SGCZ: variants seen among roughly 807,000 people sequenced by gnomAD.
SGCZ encodes sarcoglycan zeta, also known as zeta-sarcoglycan.
Under a neutral mutation model 41.3 loss-of-function variants are expected in SGCZ, and 40 were observed. The ratio of observed to expected loss-of-function variants is 0.97; its 90% CI spans 0.75 to 1.26. The LOEUF (loss-of-function observed/expected upper bound fraction) is 1.26, where lower values mean the gene tolerates loss of function less well. Ranked by LOEUF, SGCZ falls within the 50% of genes most tolerant of loss-of-function variation. The probability of loss-of-function intolerance (pLI) is 0.00; values close to 1 mark genes in which losing one functional copy is unlikely to be tolerated. For synonymous variants in SGCZ, 206 were observed against 137.5 expected (o/e 1.50, Z -3.49); for missense variants, 552 against 369.8 (o/e 1.49, Z -4.04).
At chr8:14,692,086 T>C (rs1035314153) in intron 1 of SGCZ, among the ~76,000 whole-genome samples, 11 of 152,006 alleles carry the variant, frequency 7.2e-5, no homozygotes, top group African/African-American at 2.7e-4. Flanking sequence ...CTATTTTTAG[T>C]CAAGAATTTC....
intron 3 of SGCZ, among the ~76,000 whole-genome samples, chr8:14,258,511 G>A (rs1005016315): frequency 1.3e-5 from 2 of 152,010 alleles, no homozygotes; most frequent in Non-Finnish European, 2.9e-5. Context: ...TCTTCATTAG[G>A]TTAATAGACA....
At chr8:14,512,940 T>C (rs1036310124) in intron 2 of SGCZ, among the ~76,000 whole-genome samples, 4 of 152,086 alleles carry the variant, frequency 2.6e-5, no homozygotes, top group African/African-American at 9.7e-5. Context: ...AAGTGAGGAA[T>C]GAAGCCTGAT....
chr8:14,223,241 T>C (rs1353450440), intron 4 of SGCZ, among the ~76,000 whole-genome samples: 1 of 152,222 alleles, frequency 6.6e-6, no homozygotes, highest in African/African-American at 2.4e-5. Flanking sequence ...ACTGTACTAA[T>C]GATTGTGCTT....
intron 1 of SGCZ, among the ~76,000 whole-genome samples, chr8:15,237,224 G>A (rs1283611076): frequency 1.3e-5 from 2 of 151,050 alleles, no homozygotes; most frequent in Non-Finnish European, 3.0e-5. Context: ...TGGGAAAGCA[G>A]GCGACAGCGG....
At chr8:14,677,341 T>A (rs1808309330) in intron 1 of SGCZ, among the ~76,000 whole-genome samples, 1 of 152,280 alleles carries the variant, frequency 6.6e-6, no homozygotes, top group Admixed American at 6.5e-5. Flanking sequence ...TGTTCATGGA[T>A]AGGAACACTC....
At chr8:14,318,159 A>C (rs1028083181) in intron 3 of SGCZ, among the ~76,000 whole-genome samples, 1 of 151,554 alleles carries the variant, frequency 6.6e-6, no homozygotes, top group Non-Finnish European at 1.5e-5. Context: ...TTGGTTTTTC[A>C]AAAGAAAGAA....
At position 15,182,190 on chromosome 8, in the gene SGCZ, G is replaced by A. The variant is rs928078268; in HGVS notation, c.39+55395C>T. 7.9e-5 allele frequency among the ~76,000 whole-genome samples: 12 copies of A among 152,228 alleles called. No homozygotes were observed. The East Asian group carries it at 1.7e-3, about 22-fold the overall frequency. ...CTGATATTTCACAAATGTTTTTCCA[G>A]ATGCCAATAATATCCTTAATTCTTA... is the stretch of plus-strand genomic sequence containing the variant. On this transcript the variant is annotated intron_variant, in intron 1 of 7. Coordinates refer to ENST00000382080, the MANE Select transcript of SGCZ (RefSeq NM_139167.4).
At chr8:14,280,299 C>T (rs1033892049) in intron 3 of SGCZ, among the ~76,000 whole-genome samples, 1 of 151,672 alleles carries the variant, frequency 6.6e-6, no homozygotes, top group East Asian at 1.9e-4. Flanking sequence ...TGTTCAAATA[C>T]AGGTAGTAAT....
At chr8:14,313,480 C>T (rs988412513) in intron 3 of SGCZ, among the ~76,000 whole-genome samples, 1 of 152,078 alleles carries the variant, frequency 6.6e-6, no homozygotes, top group Non-Finnish European at 1.5e-5. Context: ...CCATGCCCAG[C>T]TAATTTTTGT....
intron 5 of SGCZ, among the ~76,000 whole-genome samples, chr8:14,149,231 A>G (rs1803620388): frequency 6.6e-6 from 1 of 152,116 alleles, no homozygotes; most frequent in Non-Finnish European, 1.5e-5. Flanking sequence ...TTGAAAACGA[A>G]CAAGTCAAAT....
At chr8:15,112,380 G>C (rs1807102997) in intron 1 of SGCZ, among the ~76,000 whole-genome samples, 1 of 152,162 alleles carries the variant, frequency 6.6e-6, no homozygotes, top group South Asian at 2.1e-4. Context: ...TTTATTCTTT[G>C]AGAGGAGTTA....
At chr8:14,873,857 G>T (rs1804252877) in intron 1 of SGCZ, among the ~76,000 whole-genome samples, 2 of 152,086 alleles carry the variant, frequency 1.3e-5, no homozygotes, top group Non-Finnish European at 1.5e-5. Flanking sequence ...TTAGAAGATT[G>T]ATTTCTCTAA....
At chr8:14,921,792 A>G (rs1160782905) in intron 1 of SGCZ, among the ~76,000 whole-genome samples, 2 of 152,158 alleles carry the variant, frequency 1.3e-5, no homozygotes, top group Non-Finnish European at 2.9e-5. Flanking sequence ...TTCACTCCTT[A>G]TATAACCCGA....
intron 1 of SGCZ, among the ~76,000 whole-genome samples, chr8:14,786,798 T>C (rs1432972595): frequency 1.4e-5 from 2 of 145,228 alleles, no homozygotes; most frequent in African/African-American, 2.6e-5. Context: ...GAGCTAAAGA[T>C]CCCATGTTTT....
chr8:15,217,138 C>T (rs1407084161), intron 1 of SGCZ, among the ~76,000 whole-genome samples: 2 of 152,156 alleles, frequency 1.3e-5, no homozygotes, highest in African/African-American at 2.4e-5. Context: ...ATTGAACTGG[C>T]CGGGCGCGGT....
At chr8:14,752,504 TA>T (rs1291526348) in intron 1 of SGCZ, among the ~76,000 whole-genome samples, 1 of 152,210 alleles carries the variant, frequency 6.6e-6, no homozygotes, top group Non-Finnish European at 1.5e-5. Flanking sequence ...CAATCTATTG[TA>T]ATAATTGGTT....
chr8:14,883,072 A>G (rs1454900362), intron 1 of SGCZ, among the ~76,000 whole-genome samples: 1 of 152,090 alleles, frequency 6.6e-6, no homozygotes, highest in Non-Finnish European at 1.5e-5. Flanking sequence ...TTTGAAAAGA[A>G]GCTTCAAAAT....
At chr8:15,090,573 G>A (rs1302511503) in intron 1 of SGCZ, among the ~76,000 whole-genome samples, 7 of 152,162 alleles carry the variant, frequency 4.6e-5, no homozygotes, top group Non-Finnish European at 7.3e-5. Flanking sequence ...TTCCTAAAAG[G>A]AAGAAACCTA....
intron 3 of SGCZ, among the ~76,000 whole-genome samples, chr8:14,299,807 T>G (rs1036723464): frequency 2.6e-5 from 4 of 151,948 alleles, no homozygotes; most frequent in African/African-American, 7.2e-5. Context: ...TCCTATGTAT[T>G]CACCCAAGAG....
Sources: gnomAD v4.1 joint callset for allele counts (sites outside exome capture counted in the v4.1 genomes callset) on GRCh38, gnomAD v4.1.1 for gene constraint, MANE v1.5 for transcripts, NCBI Gene and HGNC (gene_info 2026-07-23, HGNC 2026-07-21) for gene names.